Variants in SYNPR observed in about 807,000 individuals in gnomAD.
SYNPR encodes synaptoporin.
A neutral mutation model predicts 32.9 loss-of-function variants in SYNPR; 23 were observed. The ratio of observed to expected loss-of-function variants is 0.70; its 90% CI spans 0.50 to 0.99. The LOEUF is 0.99. SYNPR is among the 50% of genes least tolerant of loss of function. The pLI is 0.00. For synonymous variants in SYNPR, 146 were observed against 135.9 expected (o/e 1.07, Z -0.52); for missense variants, 318 against 349.3 (o/e 0.91, Z 0.71).
At chr3:63,319,695 T>G (rs1469864342) in intron 2 of SYNPR, among the ~76,000 whole-genome samples, 1 of 152,006 alleles carries the variant, frequency 6.6e-6, no homozygotes, top group Non-Finnish European at 1.5e-5. Flanking sequence ...ATGCCCATAC[T>G]GCCTAAAACA....
intron 2 of SYNPR, among the ~76,000 whole-genome samples, chr3:63,450,931 G>A (rs968090850): frequency 2.0e-5 from 3 of 152,182 alleles, no homozygotes; most frequent in Non-Finnish European, 2.9e-5. Context: ...TGCTCTGGCA[G>A]CATTCCCAAA....
intron 2 of SYNPR, among the ~76,000 whole-genome samples, chr3:63,363,193 G>T (rs1010889444): frequency 1.3e-5 from 2 of 151,902 alleles, no homozygotes; most frequent in African/African-American, 4.8e-5. Context: ...TTTTTACTTT[G>T]CCCGGCATAT....
intron 2 of SYNPR, among the ~76,000 whole-genome samples, chr3:63,363,579 G>T (rs937791697): frequency 2.6e-5 from 4 of 152,162 alleles, no homozygotes; most frequent in Admixed American, 2.6e-4. Context: ...CATTGACTCT[G>T]TGTGATCTTA....
chr3:63,260,044 C>T (rs908520156), intron 2 of SYNPR, among the ~76,000 whole-genome samples: 2 of 152,140 alleles, frequency 1.3e-5, no homozygotes, highest in African/African-American at 2.4e-5. Context: ...AGGAGAACCA[C>T]AAACCACTGC....
intron 2 of SYNPR, among the ~76,000 whole-genome samples, chr3:63,253,431 T>C (rs2086354452): frequency 6.6e-6 from 1 of 152,200 alleles, no homozygotes; most frequent in Non-Finnish European, 1.5e-5. Context: ...AAAGACTACC[T>C]TGAAATAATA....
intron 2 of SYNPR, among the ~76,000 whole-genome samples, chr3:63,391,048 C>A (rs1467971946): frequency 6.6e-6 from 1 of 152,190 alleles, no homozygotes; most frequent in East Asian, 1.9e-4. Flanking sequence ...ATAAGGTATA[C>A]TGGGTTTCAT....
intron 5 of SYNPR, among the ~76,000 whole-genome samples, chr3:63,609,944 T>C (rs1165135147): frequency 6.6e-6 from 1 of 152,064 alleles, no homozygotes; most frequent in Admixed American, 6.6e-5. Flanking sequence ...ACTTTAAGGT[T>C]GAAGTCAGAC....
chr3:63,248,063 G>C (rs191344965), intron 1 of SYNPR, among the ~76,000 whole-genome samples: 1 of 152,242 alleles, frequency 6.6e-6, no homozygotes, highest in Admixed American at 6.5e-5. Context: ...CAGGGGAAAG[G>C]TGATGCACAG....
chr3:63,224,851 C>G (rs1482293444), upstream of SYNPR, among the ~76,000 whole-genome samples: 1 of 152,212 alleles, frequency 6.6e-6, no homozygotes, highest in Non-Finnish European at 1.5e-5. Context: ...GCAACAGAGT[C>G]TCAAGAGGTC....
the SYNPR span, among the ~76,000 whole-genome samples, chr3:63,220,593 T>C: frequency 6.6e-6 from 1 of 152,200 alleles, no homozygotes; most frequent in African/African-American, 2.4e-5. Flanking sequence ...CTGTGGGATT[T>C]CTGGTGCCGT....
intron 2 of SYNPR, among the ~76,000 whole-genome samples, chr3:63,434,721 G>GT (rs1700049982): frequency 6.6e-6 from 1 of 152,178 alleles, no homozygotes; most frequent in Non-Finnish European, 1.5e-5. Flanking sequence ...AGAAATGTGT[G>GT]TTAGGAACAG....
chr3:63,511,619 G>A (rs1701700993), intron 3 of SYNPR, among the ~76,000 whole-genome samples: 1 of 152,154 alleles, frequency 6.6e-6, no homozygotes, highest in Non-Finnish European at 1.5e-5. Context: ...ACAAAGGCGA[G>A]CCAGTAAGTT....
chr3:63,389,903 TC>T (rs1398495991), intron 2 of SYNPR, among the ~76,000 whole-genome samples: 1 of 152,254 alleles, frequency 6.6e-6, no homozygotes, highest in African/African-American at 2.4e-5. Context: ...AAATAAAAGC[TC>T]TTTGGACTAT....
At chr3:63,524,444 G>A (rs62250764) in intron 3 of SYNPR, among the ~76,000 whole-genome samples, 1,623 of 152,212 alleles carry the variant, frequency 0.011, 36 homozygotes, top group African/African-American at 0.036. Flanking sequence ...TGGCAGGATC[G>A]CAGATGGGGG....
rs190187082 is a variant in SYNPR, at chr3:63,576,587, C to T, written c.408+19846C>T. 2.3e-3 allele frequency among the ~76,000 whole-genome samples: 351 copies of T among 151,908 alleles called. 1 individual carries two copies. Among genetic ancestry groups the T allele is most frequent in the African/African-American group, 7.9e-3 (328 of 41,444 alleles). On this transcript the variant is annotated intron_variant, in intron 4 of 5. Coordinates refer to ENST00000478300, the MANE Select transcript of SYNPR (RefSeq NM_001130003.2). Reference sequence around the variant, plus strand: ...CAGGCGGATCACGAGGTCAGGAGATCGAGAACATCCTGGCTAATATGGTGA... The same window carrying T: ...CAGGCGGATCACGAGGTCAGGAGATTGAGAACATCCTGGCTAATATGGTGA...
chr3:63,442,672 G>A (rs578038946), intron 2 of SYNPR, among the ~76,000 whole-genome samples: 1 of 152,292 alleles, frequency 6.6e-6, no homozygotes, highest in South Asian at 2.1e-4. Flanking sequence ...AGGTTTTGCA[G>A]GAGACGTCTT....
chr3:63,259,320 C>G (rs2086416948), intron 2 of SYNPR, among the ~76,000 whole-genome samples: 1 of 152,072 alleles, frequency 6.6e-6, no homozygotes. Context: ...TGCAAAAATC[C>G]TCAATAAAAT....
At chr3:63,289,958 CT>C (rs2086722387) in intron 2 of SYNPR, among the ~76,000 whole-genome samples, 1 of 151,590 alleles carries the variant, frequency 6.6e-6, no homozygotes, top group African/African-American at 2.4e-5. Context: ...GTGAAACCCC[CT>C]CTCTACTAAA....
At chr3:63,305,563 A>G (rs1454558767) in intron 2 of SYNPR, among the ~76,000 whole-genome samples, 1 of 152,046 alleles carries the variant, frequency 6.6e-6, no homozygotes, top group Non-Finnish European at 1.5e-5. Flanking sequence ...TTTTCAAACT[A>G]CATTGTGATA....
Sources: gnomAD v4.1 joint callset for allele counts (sites outside exome capture counted in the v4.1 genomes callset) on GRCh38, gnomAD v4.1.1 for gene constraint, MANE v1.5 for transcripts, NCBI Gene and HGNC (gene_info 2026-07-23, HGNC 2026-07-21) for gene names.